CEP72: variants seen among roughly 807,000 people sequenced by gnomAD.
CEP72 encodes centrosomal protein 72.
CEP72 carries 78 observed loss-of-function variants against 65.7 expected under a neutral mutation model. That is an observed-to-expected ratio of 1.19 (90% CI 0.99 to 1.43). The LOEUF (loss-of-function observed/expected upper bound fraction) is 1.43, where lower values mean the gene tolerates loss of function less well. CEP72 is among the 40% of genes most tolerant of loss of function. The pLI is 0.00. For missense variants in CEP72, 914 were observed against 832.9 expected, an observed-to-expected ratio of 1.10 and a Z score of -1.20; for synonymous variants, 358 against 351.7, an observed-to-expected ratio of 1.02 and a Z score of -0.20.
Position 641,625 on chromosome 5 carries a change from C to CACA in CEP72, c.1539+1021_1539+1022insACA, listed in dbSNP as rs1169783211. On this transcript the variant is annotated intron_variant, in intron 9 of 11. Coordinates refer to ENST00000264935, the MANE Select transcript of CEP72 (RefSeq NM_018140.4). ...GCACGTGGCCTTCATCTGGAAGCCT[C>CACA]TGTATTTAAACACATGTGGGCCTCC... The CACA allele has an allele frequency of 3.1e-6, 3 of 983,446 alleles. No individual in the cohort carries two copies. The Admixed American group carries it at 1.8e-4, about 61-fold the overall frequency. 60.9% of individuals were successfully genotyped at this position (983,446 alleles called of 1,614,324 possible).
intron 9 of CEP72, chr5:643,463 CG>C: frequency 1.0e-6 from 1 of 985,372 alleles, no homozygotes; most frequent in Non-Finnish European, 1.2e-6. Flanking sequence ...CCATGGGCGT[CG>C]GGGGCCTGGC....
At position 641,367 on chromosome 5, in the gene CEP72, A is replaced by G. The variant is rs571334860; in HGVS notation, c.1539+763A>G. The G allele has an allele frequency of 3.0e-6, 3 of 985,448 alleles. No individual in the cohort carries two copies. The East Asian group carries it at 3.4e-4, about 112-fold the overall frequency. The allele number at this position is 985,448 out of a possible 1,614,324, so 61.0% of individuals were successfully genotyped here. A position where few individuals can be genotyped will look rare whatever the true frequency, so the allele number is the denominator to read the frequency against. On this transcript the variant is annotated intron_variant, in intron 9 of 11. Coordinates refer to ENST00000264935, the MANE Select transcript of CEP72 (RefSeq NM_018140.4). ...AGGGCAGAGCCACGTGAGGATGTGC[A>G]CATCCAGAGGGGCCTTGTCAGCATC...
intron 2 of CEP72, chr5:665,074 G>A (rs767505209): frequency 3.3e-5 from 53 of 1,597,816 alleles, no homozygotes; most frequent in African/African-American, 2.8e-4. Flanking sequence ...TGGGGACACC[G>A]GCAGTGCCGC....
chr5:673,110 C>T, the CEP72 span, among the ~76,000 whole-genome samples: 1 of 152,192 alleles, frequency 6.6e-6, no homozygotes, highest in South Asian at 2.1e-4. Flanking sequence ...GAGGCAGAGG[C>T]TCCCACAAGT....
intron 7 of CEP72, among the ~76,000 whole-genome samples, 182 bp downstream of exon 7, chr5:638,000 G>T (rs1047137400): frequency 6.6e-5 from 10 of 152,130 alleles, no homozygotes. Context: ...CCTGATGCGG[G>T]GCTGTTACGG....
In CEP72 at chr5:635,421, CTCT is replaced by C; in HGVS notation, c.742_744del (p.Ser248del). 6.2e-7 allele frequency: 1 copy of C among 1,614,124 alleles called. No individual in the cohort carries two copies. The highest frequency in any genetic ancestry group is 8.5e-7 in the Non-Finnish European group (1 of 1,179,966). ...AGTTGGTACAGTACCAGTGTGGGGA[CTCT>C]GGGAAGCAGGGCCGTGAGACGAGGA... On this transcript the variant is annotated inframe_deletion, in exon 6 of 12. Coordinates refer to ENST00000264935, the MANE Select transcript of CEP72 (RefSeq NM_018140.4).
chr5:654,740 A>G (rs1739325303), downstream of CEP72, among the ~76,000 whole-genome samples: 1 of 152,186 alleles, frequency 6.6e-6, no homozygotes, highest in Admixed American at 6.6e-5. Context: ...TTTGGGTTTC[A>G]TTGAGCTTCT....
At chr5:654,036 C>CTG (rs753923923), downstream of CEP72, among the ~76,000 whole-genome samples, 21 of 124,924 alleles carry the variant, frequency 1.7e-4, no homozygotes, top group African/African-American at 5.6e-4. Flanking sequence ...TGTGCGCTTG[C>CTG]TGTGTGTGTG....
At position 635,391 on chromosome 5, in the gene CEP72, C is replaced by G. The variant is rs1737518223; in HGVS notation, c.711C>G (p.Ser237Arg). The G allele has an allele frequency of 6.2e-7, 1 of 1,611,772 alleles. No homozygotes were observed. The highest frequency in any genetic ancestry group is 1.3e-5 in the African/African-American group (1 of 74,878). Residue 237 changes from serine (S) to arginine (R), a missense_variant, in exon 6 of 12, where the codon AGC (serine) becomes AGG (arginine). By Grantham distance (110) the Ser-to-Arg change is moderately radical. Transcript: ENST00000264935. The stretch of plus-strand genomic sequence containing the variant: ...TAATAGAATCCAGACATCTGTTGAG[C>G]CCGCAGTTGGTACAGTACCAGTGTG... ...RGSQESRHLL[S>R]PQLVQYQCGD...
Position 665,919 on chromosome 5 carries a change from G to GCCCCCCCCCC in CEP72, n.434-18_434-17insCCCCCCCCCC. 8.7e-6 allele frequency: 3 copies of GCCCCCCCCCC among 344,042 alleles called. 1 individual carries two copies. Among genetic ancestry groups the GCCCCCCCCCC allele is most frequent in the Non-Finnish European group, 7.9e-6 (2 of 253,008 alleles). 21.3% of individuals were successfully genotyped at this position (344,042 alleles called of 1,614,324 possible). ...CCCCCAGGCACCACCCACCTTCCAG[G>GCCCCCCCCCC]CCCCGCCCCCACCCCCTCCAGGCCC... On this transcript the variant is annotated intron_variant and non_coding_transcript_variant, in intron 3 of 4. Transcript: ENST00000514507.
intron 11 of CEP72, among the ~76,000 whole-genome samples, chr5:649,095 CTG>C (rs1738697738): frequency 1.5e-5 from 2 of 135,396 alleles, no homozygotes; most frequent in Middle Eastern, 6.3e-3. Flanking sequence ...TGAGGTGTGA[CTG>C]TGAGGTGTGG....
At chr5:668,732 A>C (rs1165107648), downstream of CEP72, among the ~76,000 whole-genome samples, 1 of 152,208 alleles carries the variant, frequency 6.6e-6, no homozygotes, top group Non-Finnish European at 1.5e-5. Context: ...ATAAACGCAA[A>C]TGTTTACCAC....
At chr5:639,331 T>G (rs1737844352) in intron 8 of CEP72, 107 bp downstream of exon 8, 1 of 1,315,994 alleles carries the variant, frequency 7.6e-7, no homozygotes, top group Non-Finnish European at 1.0e-6. Context: ...AGGTCTCCTA[T>G]GTCCCCTCCC....
intron 10 of CEP72, among the ~76,000 whole-genome samples, chr5:646,581 C>T (rs1738438786): frequency 6.6e-6 from 1 of 152,104 alleles, no homozygotes; most frequent in Non-Finnish European, 1.5e-5. Context: ...TTGACCCTGA[C>T]CCCACACCAG....
chr5:635,169 G>T (rs550112866), intron 5 of CEP72, among the ~76,000 whole-genome samples: 2 of 152,286 alleles, frequency 1.3e-5, no homozygotes, highest in Admixed American at 6.5e-5. Flanking sequence ...CCTGAGTCTC[G>T]CAGGCGAGTG....
At chr5:669,309 T>C (rs1015164464), downstream of CEP72, among the ~76,000 whole-genome samples, 1 of 151,638 alleles carries the variant, frequency 6.6e-6, no homozygotes, top group Non-Finnish European at 1.5e-5. Context: ...CCTGGGCAGC[T>C]CTGTGGCGTG....
In CEP72 at chr5:633,963, G is replaced by T; in HGVS notation, c.691+16G>T. On this transcript the variant is annotated intron_variant, in intron 5 of 11. Coordinates refer to ENST00000264935, the MANE Select transcript of CEP72 (RefSeq NM_018140.4). ...GGTTCCCAAGGTGCGCTGCTCATCT[G>T]CCAGGAGGCCAGTGGGTCCGCTGGC... The T allele has an allele frequency of 3.1e-6, 5 of 1,607,734 alleles. No individual in the cohort carries two copies. The highest frequency in any genetic ancestry group is 4.2e-6 in the Non-Finnish European group (5 of 1,178,714).
At chr5:675,498 C>CAGTGCGG in the CEP72 span, among the ~76,000 whole-genome samples, 4 of 78,230 alleles carry the variant, frequency 5.1e-5, no homozygotes, top group Non-Finnish European at 1.1e-4. Flanking sequence ...ACATTGTGGC[C>CAGTGCGG]GGGGCTGCAG....
intron 9 of CEP72, chr5:642,542 C>T: frequency 1.0e-6 from 1 of 985,524 alleles, no homozygotes; most frequent in Non-Finnish European, 1.2e-6. Flanking sequence ...ACAGGCGGAG[C>T]CCAAAGGTGT....
Sources: gnomAD v4.1 joint callset for allele counts (sites outside exome capture counted in the v4.1 genomes callset) on GRCh38, gnomAD v4.1.1 for gene constraint, MANE v1.5 for transcripts, NCBI Gene and HGNC (gene_info 2026-07-23, HGNC 2026-07-21) for gene names.